LHFPL3: variants seen among roughly 807,000 people sequenced by gnomAD.
The protein encoded by LHFPL3 is LHFPL tetraspan subfamily member 3 protein.
A neutral mutation model predicts 19.3 loss-of-function variants in LHFPL3; 5 were observed. That is an observed-to-expected ratio of 0.26 (90% CI 0.14 to 0.54). The LOEUF (loss-of-function observed/expected upper bound fraction) is 0.54. Among genes scored for constraint, LHFPL3 ranks in the 20% least tolerant of loss-of-function variants. The pLI is 0.94. For missense variants in LHFPL3, 249 were observed against 307.4 expected (o/e 0.81, Z 1.42); for synonymous variants, 133 against 126.2 (o/e 1.05, Z -0.36).
intron 1 of LHFPL3, among the ~76,000 whole-genome samples, chr7:104,505,278 A>G (rs1382956711): frequency 6.6e-6 from 1 of 152,240 alleles, no homozygotes; most frequent in Non-Finnish European, 1.5e-5. Flanking sequence ...GAACAGGGGT[A>G]AACATTTTAC....
intron 1 of LHFPL3, among the ~76,000 whole-genome samples, chr7:104,381,753 A>G (rs4730001): frequency 0.43 from 65,507 of 152,016 alleles, 15,399 homozygotes; most frequent in African/African-American, 0.61. Flanking sequence ...ATCCATTTAC[A>G]TTCTACCAAA....
chr7:104,699,255 T>G (rs1023603153), intron 1 of LHFPL3, among the ~76,000 whole-genome samples: 2 of 152,206 alleles, frequency 1.3e-5, no homozygotes, highest in Non-Finnish European at 2.9e-5. Context: ...TTATCCACAA[T>G]AGCTAAAAGG....
chr7:104,767,644 T>C (rs1000244307), intron 2 of LHFPL3, among the ~76,000 whole-genome samples: 3 of 152,220 alleles, frequency 2.0e-5, no homozygotes, highest in African/African-American at 4.8e-5. Flanking sequence ...CAAACAATAA[T>C]TAAACCCAAT....
chr7:104,618,061 C>T (rs543075596), intron 1 of LHFPL3, among the ~76,000 whole-genome samples: 11 of 152,212 alleles, frequency 7.2e-5, no homozygotes, highest in Admixed American at 2.0e-4. Context: ...CTGGTGTCTG[C>T]GTTGCCCTCC....
At chr7:104,519,797 G>A (rs145619604) in intron 1 of LHFPL3, among the ~76,000 whole-genome samples, 325 of 152,214 alleles carry the variant, frequency 2.1e-3, no homozygotes, top group Non-Finnish European at 3.1e-3. Flanking sequence ...ACACATCTGT[G>A]TGCTTCTAGG....
At chr7:104,409,128 G>A (rs192808609) in intron 1 of LHFPL3, among the ~76,000 whole-genome samples, 5 of 150,914 alleles carry the variant, frequency 3.3e-5, no homozygotes, top group South Asian at 2.1e-4. Context: ...CGCCCACCTC[G>A]GCCTCCCAAA....
At chr7:104,780,493 T>C (rs2116422022) in intron 2 of LHFPL3, among the ~76,000 whole-genome samples, 1 of 152,260 alleles carries the variant, frequency 6.6e-6, no homozygotes, top group African/African-American at 2.4e-5. Flanking sequence ...GTATACTTCT[T>C]GGTCTCTAGT....
At chr7:104,900,826 C>G (rs1453774911) in intron 2 of LHFPL3, among the ~76,000 whole-genome samples, 1 of 152,214 alleles carries the variant, frequency 6.6e-6, no homozygotes, top group African/African-American at 2.4e-5. Flanking sequence ...GGAAATGTAA[C>G]ATGGGCAACT....
chr7:104,570,893 C>T (rs576632544), intron 1 of LHFPL3, among the ~76,000 whole-genome samples: 1 of 152,294 alleles, frequency 6.6e-6, no homozygotes, highest in Admixed American at 6.5e-5. Context: ...TGTAAATTTA[C>T]ACCCTACTTA....
At chr7:104,746,504 A>G (rs557990969) in intron 2 of LHFPL3, among the ~76,000 whole-genome samples, 3 of 152,330 alleles carry the variant, frequency 2.0e-5, no homozygotes, top group Non-Finnish European at 4.4e-5. Flanking sequence ...ATGAAATCTC[A>G]CCAGTTTGTT....
chr7:104,510,643 T>G (rs1218047520), intron 1 of LHFPL3, among the ~76,000 whole-genome samples: 3 of 151,700 alleles, frequency 2.0e-5, no homozygotes, highest in Non-Finnish European at 4.4e-5. Flanking sequence ...GTTCCTAGAC[T>G]TGACATAAAA....
chr7:104,739,161 C>T (rs764609370), intron 2 of LHFPL3, among the ~76,000 whole-genome samples: 2 of 152,166 alleles, frequency 1.3e-5, no homozygotes, highest in East Asian at 3.9e-4. Flanking sequence ...GGGATCTATA[C>T]AAAATCAGAC....
intron 1 of LHFPL3, among the ~76,000 whole-genome samples, chr7:104,329,938 C>T (rs908419733): frequency 2.9e-4 from 44 of 152,182 alleles, no homozygotes; most frequent in African/African-American, 1.0e-3. Context: ...TTTAGTAAAT[C>T]AAGATTCCTC....
chr7:104,522,017 C>T (rs1398322798), intron 1 of LHFPL3, among the ~76,000 whole-genome samples: 5 of 152,096 alleles, frequency 3.3e-5, no homozygotes, highest in East Asian at 1.9e-4. Context: ...TACCATTTGA[C>T]CCAGCCATCC....
chr7:104,511,522 T>C (rs1342153922), intron 1 of LHFPL3, among the ~76,000 whole-genome samples: 1 of 152,222 alleles, frequency 6.6e-6, no homozygotes. Context: ...ACGTAAGTAT[T>C]CATGGCAGCT....
At chr7:104,902,252 C>T (rs1015164564) in intron 2 of LHFPL3, among the ~76,000 whole-genome samples, 3 of 151,938 alleles carry the variant, frequency 2.0e-5, no homozygotes, top group East Asian at 1.9e-4. Flanking sequence ...CATGGTAACG[C>T]GTGCCTGTGG....
chr7:104,727,969 G>C (rs552027553), intron 1 of LHFPL3, among the ~76,000 whole-genome samples: 4 of 152,218 alleles, frequency 2.6e-5, no homozygotes, highest in African/African-American at 9.6e-5. Flanking sequence ...GCCTGTTTTT[G>C]AGAGGTAATG....
intron 2 of LHFPL3, among the ~76,000 whole-genome samples, chr7:104,873,963 G>C (rs995908655): frequency 1.3e-5 from 2 of 152,234 alleles, no homozygotes; most frequent in Non-Finnish European, 2.9e-5. Context: ...TGGAGGGCTG[G>C]TAGTGAAGTA....
intron 1 of LHFPL3, among the ~76,000 whole-genome samples, chr7:104,662,284 C>G (rs997113707): frequency 6.6e-6 from 1 of 152,158 alleles, no homozygotes; most frequent in African/African-American, 2.4e-5. Context: ...GGTGGTATGG[C>G]TGAATTAAAC....
Sources: allele counts gnomAD v4.1 joint callset (sites outside exome capture counted in the v4.1 genomes callset), GRCh38; gene constraint gnomAD v4.1.1; transcripts MANE v1.5; gene names NCBI Gene and HGNC (gene_info 2026-07-23, HGNC 2026-07-21).